GTPBP6: variants seen among roughly 807,000 people sequenced by gnomAD.
GTPBP6 encodes putative GTP-binding protein 6.
In GTPBP6, 33 loss-of-function variants were observed where a neutral mutation model predicts 28.9. The observed-to-expected ratio is 1.14, with a 90% CI of 0.87 to 1.53. GTPBP6 has a LOEUF of 1.53. GTPBP6 is among the 40% of genes most tolerant of loss of function. GTPBP6 has a pLI of 0.00. For synonymous variants in GTPBP6, 231 were observed against 192.7 expected (o/e 1.20, Z -1.65); for missense variants, 507 against 408.3 (o/e 1.24, Z -2.08).
chrX:312,592 A>G, intron 6 of GTPBP6, 174 bp downstream of exon 6: 1 of 735,982 alleles, frequency 1.4e-6, no homozygotes, highest in South Asian at 1.5e-5. Context: ...GAGCTCTCAC[A>G]GCAGCTGGTG....
chrX:317,721 A>ACCCCACCCCACGGACCCCACGGG, intron 1 of GTPBP6, among the ~76,000 whole-genome samples: 1 of 11,102 alleles, frequency 9.0e-5, no homozygotes, highest in Middle Eastern at 0.071. Context: ...ACCCCACCCC[A>ACCCCACCCCACGGACCCCACGGG]CCCCACCCCA....
chrX:318,241 A>C (rs1215642151), intron 1 of GTPBP6, among the ~76,000 whole-genome samples, 198 bp downstream of exon 1: 1 of 135,320 alleles, frequency 7.4e-6, no homozygotes, highest in Non-Finnish European at 1.6e-5. Flanking sequence ...CACCTATGAA[A>C]TCCTTCCTGC....
chrX:307,290 G>A, intron 9 of GTPBP6, 70 bp downstream of exon 9: 1 of 1,471,312 alleles, frequency 6.8e-7, no homozygotes, highest in Non-Finnish European at 9.4e-7. Flanking sequence ...CACCCACGAA[G>A]AGCCCGTTTC....
At chrX:305,960 C>G (rs2070153669) in intron 9 of GTPBP6, among the ~76,000 whole-genome samples, 1 of 151,970 alleles carries the variant, frequency 6.6e-6, no homozygotes, top group African/African-American at 2.4e-5. Context: ...TGGGGTCTCA[C>G]CATGTTGCCC....
intron 2 of GTPBP6, among the ~76,000 whole-genome samples, chrX:315,616 GACAC>G (rs1238059679): frequency 1.8e-4 from 3 of 16,450 alleles, no homozygotes; most frequent in Non-Finnish European, 4.5e-4. Context: ...GACAGACACA[GACAC>G]ACAGACAGAC....
chrX:312,701 C>G, intron 6 of GTPBP6, 65 bp downstream of exon 6: 1 of 1,505,446 alleles, frequency 6.6e-7, no homozygotes, highest in Non-Finnish European at 9.1e-7. Context: ...CCTGCCCTCC[C>G]CCGGGCGAGT....
chrX:312,492 A>G (rs753275939), intron 6 of GTPBP6: 3 of 635,428 alleles, frequency 4.7e-6, no homozygotes, highest in African/African-American at 1.8e-5. Context: ...ACAGGGTGGT[A>G]AAGCTCTGGA....
intron 6 of GTPBP6, chrX:312,430 G>A (rs1346972315): frequency 1.8e-6 from 1 of 546,802 alleles, no homozygotes; most frequent in Non-Finnish European, 3.5e-6. Context: ...TAGGGCAGTG[G>A]GGATGGTCTA....
At chrX:305,781 C>T (rs1367829198) in intron 9 of GTPBP6, among the ~76,000 whole-genome samples, 7 of 150,960 alleles carry the variant, frequency 4.6e-5, no homozygotes, top group African/African-American at 1.5e-4. Flanking sequence ...CCCGCCACTG[C>T]GCCCGGCTAA....
At position 310,337 on chromosome X, in the gene GTPBP6, C is replaced by T. The variant is rs763730085; in HGVS notation, c.1125+1082G>A. 2.6e-3 allele frequency among the ~76,000 whole-genome samples: 351 copies of T among 134,868 alleles called. 7 individuals carry two copies. The highest frequency in any genetic ancestry group is 0.01 in the African/African-American group (332 of 32,596). The allele number at this position is 134,868 out of a possible 152,430, so 88.5% of individuals were successfully genotyped here. A position where few individuals can be genotyped will look rare whatever the true frequency, so the allele number is the denominator to read the frequency against. ...GACAGAGGCAGAGACTGGAGTGATG[C>T]GGCCACAAGCCCAGGGACGCCTGGA... On this transcript the variant is annotated intron_variant, in intron 7 of 9. Transcript: ENST00000326153.
intron 7 of GTPBP6, among the ~76,000 whole-genome samples, chrX:308,610 G>A (rs144865281): frequency 0.017 from 2,604 of 151,950 alleles, 60 homozygotes; most frequent in African/African-American, 0.059. Context: ...AGCCCAGGAG[G>A]TCGAGGCTGC....
At chrX:305,143 C>T in exon 10 of GTPBP6, 1 of 1,613,668 alleles carries the variant, frequency 6.2e-7, no homozygotes, top group Non-Finnish European at 8.5e-7. Flanking sequence ...CGTCGGCCGC[C>T]CCGTCCTCAG....
At chrX:311,055 C>T (rs28647586) in intron 7 of GTPBP6, among the ~76,000 whole-genome samples, 47,886 of 151,766 alleles carry the variant, frequency 0.32, 8,232 homozygotes, top group East Asian at 0.42. Flanking sequence ...CACGGGCTCA[C>T]GGCGGCAAGA....
chrX:317,600 C>T (rs1274963056), intron 1 of GTPBP6, among the ~76,000 whole-genome samples: 3 of 150,910 alleles, frequency 2.0e-5, no homozygotes, highest in Non-Finnish European at 2.9e-5. Flanking sequence ...CCGCTGGACG[C>T]CCTCCCTTCC....
intron 7 of GTPBP6, among the ~76,000 whole-genome samples, chrX:308,131 C>A (rs1263662598): frequency 2.0e-5 from 3 of 151,922 alleles, no homozygotes; most frequent in Admixed American, 6.6e-5. Context: ...CAGACCCACA[C>A]GCAAGGGGGT....
At chrX:311,466 C>T (rs765760548) in exon 7 of GTPBP6, 19 of 1,612,066 alleles carry the variant, frequency 1.2e-5, no homozygotes, top group African/African-American at 9.3e-5. Flanking sequence ...TCGATGAGGC[C>T]GTGCGGCAGC....
chrX:311,196 T>TCCGAAGGCCCGGCCCCTGCA (rs1556031600), intron 7 of GTPBP6, among the ~76,000 whole-genome samples: 1 of 146,836 alleles, frequency 6.8e-6, no homozygotes, highest in African/African-American at 2.6e-5. Context: ...TGGGTGGGTG[T>TCCGAAGGCCCGGCCCCTGCA]CTGAGGGCCC....
At chrX:316,340 GAC>G (rs1168593634) in intron 2 of GTPBP6, among the ~76,000 whole-genome samples, 31,946 of 90,586 alleles carry the variant, frequency 0.35, 7,729 homozygotes, top group Non-Finnish European at 0.46. Context: ...TCCCATTGGG[GAC>G]ACACACACAC....
In GTPBP6 at chrX:306,383, C is replaced by G. The variant is rs749753075; in HGVS notation, c.1427+977G>C. Among the ~76,000 whole-genome samples the G allele has an allele frequency of 7.6e-4, 112 of 147,400 alleles. 1 individual carries two copies. Among genetic ancestry groups the G allele is most frequent in the African/African-American group, 2.8e-3 (107 of 38,666 alleles). ...AAATGTACATTTTGGCTGTCAAGCA[C>G]AGATTAGGCACCTGTTGTATGGTCA... On this transcript the variant is annotated intron_variant, in intron 9 of 9. Coordinates refer to ENST00000326153, the Ensembl canonical transcript of GTPBP6.
Sources: allele counts gnomAD v4.1 joint callset (sites outside exome capture counted in the v4.1 genomes callset), GRCh38; gene constraint gnomAD v4.1.1; transcripts MANE v1.5; gene names NCBI Gene and HGNC (gene_info 2026-07-23, HGNC 2026-07-21).